The following ROPN1L variants were observed in gnomAD, a reference collection of about 807,000 sequenced individuals.
ROPN1L encodes the protein rhophilin associated tail protein 1 like.
Under a neutral mutation model 22.7 loss-of-function variants are expected in ROPN1L, and 23 were observed. The ratio of observed to expected loss-of-function variants is 1.01; its 90% CI spans 0.73 to 1.43. ROPN1L has a LOEUF of 1.43. Ranked by LOEUF, ROPN1L falls within the 40% of genes most tolerant of loss-of-function variation. The pLI is 0.00. For missense variants in ROPN1L, 271 were observed against 291.5 expected (o/e 0.93, Z 0.51); for synonymous variants, 116 against 117.8 (o/e 0.98, Z 0.10).
intron 3 of ROPN1L, among the ~76,000 whole-genome samples, chr5:10,451,572 C>T (rs1302143799): frequency 2.0e-5 from 3 of 152,378 alleles, no homozygotes; most frequent in Non-Finnish European, 4.4e-5. Flanking sequence ...TCACAGGCCA[C>T]GTTGTTCATT....
In ROPN1L at chr5:10,464,908, T is replaced by C. The variant is rs1735125028; in HGVS notation, c.654T>C (p.Leu218=). 6.2e-7 allele frequency: 1 copy of C among 1,607,496 alleles called. No individual in the cohort carries two copies. Among genetic ancestry groups the C allele is most frequent in the African/African-American group, 1.3e-5 (1 of 74,822 alleles). The part of the protein sequence containing the change: ...LSDFFFPKRK[L]LESIENSEDV... ...ATTTCTTCTTTCCAAAGAGGAAACT[T>C]TTAGAAAGCATTGAAAACTCTGAAG... The change falls in exon 5 of 5, where the codon CTT becomes CTC. Residue 218 remains leucine, a synonymous_variant. Coordinates refer to ENST00000274134, the MANE Select transcript of ROPN1L (RefSeq NM_031916.5).
rs998631736 is a variant in ROPN1L at position 10,450,245 on chromosome 5, G to A, written c.417+132G>A. On this transcript the variant is annotated intron_variant, in intron 3 of 4. Coordinates refer to ENST00000274134, the MANE Select transcript of ROPN1L (RefSeq NM_031916.5). Reference sequence around the variant, plus strand: ...TAGAAAAGCATTTCCCCCTGCTCCAGGCCTATTATATTAATATTTTCAGGT... The same window carrying A: ...TAGAAAAGCATTTCCCCCTGCTCCAAGCCTATTATATTAATATTTTCAGGT... 1.0e-4 allele frequency: 61 copies of A among 600,322 alleles called. No individual in the cohort carries two copies. In the Middle Eastern group the frequency reaches 1.3e-3, roughly 13 times the overall value. 37.2% of individuals were successfully genotyped at this position (600,322 alleles called of 1,614,324 possible).
At chr5:10,451,306 G>A (rs570937446) in intron 3 of ROPN1L, among the ~76,000 whole-genome samples, 7 of 152,248 alleles carry the variant, frequency 4.6e-5, no homozygotes, top group African/African-American at 1.7e-4. Context: ...GGCCACTAAT[G>A]CACCAACAGT....
At chr5:10,454,733 C>G (rs895273207) in intron 3 of ROPN1L, among the ~76,000 whole-genome samples, 1 of 152,212 alleles carries the variant, frequency 6.6e-6, no homozygotes. Context: ...ACACGGTGCA[C>G]GCAGTGGGCA....
intron 3 of ROPN1L, among the ~76,000 whole-genome samples, chr5:10,458,541 C>CCT (rs1408644763): frequency 1.7e-5 from 2 of 114,442 alleles, no homozygotes; most frequent in African/African-American, 6.9e-5. Flanking sequence ...ACACCATCCC[C>CCT]CGTGTACACC....
Position 10,441,971 on chromosome 5 carries a change from T to G in ROPN1L, c.-197T>G. The stretch of plus-strand genomic sequence containing the variant: ...AGGGTGTTGTCGGAGTGGCAGTTGG[T>G]CCGAATTTCTCCCGAAGCCCGCGGA... On this transcript the variant is annotated 5_prime_UTR_variant, in exon 1 of 5. Coordinates refer to ENST00000274134, the MANE Select transcript of ROPN1L (RefSeq NM_031916.5). 1.6e-6 allele frequency: 1 copy of G among 636,974 alleles called. No individual in the cohort carries two copies. The highest frequency in any genetic ancestry group is 2.6e-6 in the Non-Finnish European group (1 of 379,976). 39.5% of individuals were successfully genotyped at this position (636,974 alleles called of 1,614,324 possible).
At chr5:10,466,126 A>G (rs373367374), downstream of ROPN1L, among the ~76,000 whole-genome samples, 158 of 152,296 alleles carry the variant, frequency 1.0e-3, no homozygotes, top group Middle Eastern at 0.017. Context: ...GCCAATACCA[A>G]TGAATACATT....
At chr5:10,466,889 G>A (rs1022263230), downstream of ROPN1L, among the ~76,000 whole-genome samples, 1 of 152,144 alleles carries the variant, frequency 6.6e-6, no homozygotes, top group Non-Finnish European at 1.5e-5. Flanking sequence ...TGGTTTCTCC[G>A]GAGGCCTCTC....
In ROPN1L at chr5:10,462,296, A is replaced by G. The variant is rs78096948; in HGVS notation, c.593+937A>G. Among the ~76,000 whole-genome samples, 456 of 152,352 alleles carry G rather than the reference A, an allele frequency of 3.0e-3. 2 individuals are homozygous for G. Among genetic ancestry groups the G allele is most frequent in the African/African-American group, 0.011 (438 of 41,582 alleles). On this transcript the variant is annotated intron_variant, in intron 4 of 4. Transcript: ENST00000274134. ...CCAAATATATATTTCACAATATCAC[A>G]TCCCTTGTCTGCAATAACTTTGTCC...
At chr5:10,466,038 C>A (rs1364389211), downstream of ROPN1L, among the ~76,000 whole-genome samples, 1 of 152,186 alleles carries the variant, frequency 6.6e-6, no homozygotes, top group African/African-American at 2.4e-5. Context: ...ATGTACTGGA[C>A]AGCAGCGTGA....
the ROPN1L span, among the ~76,000 whole-genome samples, chr5:10,477,210 A>G: frequency 6.6e-6 from 1 of 152,174 alleles, no homozygotes; most frequent in Admixed American, 6.5e-5. Context: ...CTTGTGGGCC[A>G]TTGTTTGCTG....
chr5:10,467,274 GA>G (rs199945150), downstream of ROPN1L, among the ~76,000 whole-genome samples: 138 of 129,332 alleles, frequency 1.1e-3, no homozygotes, highest in East Asian at 5.3e-3. Flanking sequence ...AATGTAAATA[GA>G]AAAAAAAAAA....
intron 1 of ROPN1L, 29 bp downstream of exon 1, chr5:10,442,327 C>G: frequency 6.2e-7 from 1 of 1,609,872 alleles, no homozygotes; most frequent in Non-Finnish European, 8.5e-7. Context: ...GGGAGCTGTC[C>G]GGTCTACATG....
chr5:10,450,233 C>A, intron 3 of ROPN1L, 120 bp downstream of exon 3: 2 of 734,386 alleles, frequency 2.7e-6, no homozygotes, highest in Non-Finnish European at 4.3e-6. Flanking sequence ...AAAAGCATTT[C>A]CCCCTGCTCC....
chr5:10,461,626 G>T, intron 4 of ROPN1L: 1 of 358,856 alleles, frequency 2.8e-6, no homozygotes, highest in South Asian at 3.4e-5. Context: ...ACAGGTTGAG[G>T]GTTCAGTCCC....
chr5:10,444,759 T>G (rs1741000748), intron 1 of ROPN1L, among the ~76,000 whole-genome samples: 2 of 150,654 alleles, frequency 1.3e-5, no homozygotes, highest in African/African-American at 4.9e-5. Flanking sequence ...ATTAGCTTGG[T>G]GTGGTGGCAC....
downstream of ROPN1L, chr5:10,465,113 C>T: frequency 2.2e-6 from 1 of 445,490 alleles, no homozygotes; most frequent in Non-Finnish European, 4.1e-6. Context: ...TTCACTGTGT[C>T]TTTTAGGGAC....
chr5:10,450,032 A>C lies in ROPN1L; in HGVS notation c.336A>C (p.Lys112Asn), dbSNP rs777460888. 1.2e-6 allele frequency: 2 copies of C among 1,613,968 alleles called. No individual in the cohort carries two copies. Among genetic ancestry groups the C allele is most frequent in the African/African-American group, 2.7e-5 (2 of 74,938 alleles). Residue 112 changes from lysine to asparagine, a missense_variant, in exon 3 of 5, where the codon AAA (lysine) becomes AAC (asparagine). By Grantham distance (94) the Lys-to-Asn change is moderately conservative. Coordinates refer to ENST00000274134, the MANE Select transcript of ROPN1L (RefSeq NM_031916.5). Reference protein sequence around the residue: ...KNLCLPKEKFKALLQLDPCEN... With the variant: ...KNLCLPKEKFNALLQLDPCEN... Reference sequence around the variant, plus strand: ...TGTGCCTGCCGAAGGAAAAATTCAAAGCGCTCTTACAACTGGATCCTTGTG... The same window carrying C: ...TGTGCCTGCCGAAGGAAAAATTCAACGCGCTCTTACAACTGGATCCTTGTG...
At chr5:10,460,119 T>C (rs1023673674) in intron 3 of ROPN1L, among the ~76,000 whole-genome samples, 13 of 152,150 alleles carry the variant, frequency 8.5e-5, no homozygotes, top group Non-Finnish European at 1.5e-5. Flanking sequence ...TTAGGACACC[T>C]GCCCCCACAG....
Sources: allele counts gnomAD v4.1 joint callset (sites outside exome capture counted in the v4.1 genomes callset), GRCh38; gene constraint gnomAD v4.1.1; transcripts MANE v1.5; gene names NCBI Gene and HGNC (gene_info 2026-07-23, HGNC 2026-07-21).